HS6ST3: variants seen among roughly 807,000 people sequenced by gnomAD.
The protein encoded by HS6ST3 is heparan-sulfate 6-O-sulfotransferase 3.
A neutral mutation model predicts 36.7 loss-of-function variants in HS6ST3; 12 were observed. The observed-to-expected ratio is 0.33, with a 90% CI of 0.21 to 0.53. The LOEUF (loss-of-function observed/expected upper bound fraction) is 0.53, where lower values mean the gene tolerates loss of function less well. Ranked by LOEUF, HS6ST3 falls within the 20% of genes least tolerant of loss-of-function variation. HS6ST3 has a pLI of 0.95. For synonymous variants in HS6ST3, 240 were observed against 257.5 expected, an observed-to-expected ratio of 0.93 and a Z score of 0.65; for missense variants, 584 against 640.9, an observed-to-expected ratio of 0.91 and a Z score of 0.96.
chr13:96,624,891 G>A (rs1282384808), intron 1 of HS6ST3, among the ~76,000 whole-genome samples: 1 of 152,020 alleles, frequency 6.6e-6, no homozygotes, highest in African/African-American at 2.4e-5. Context: ...TTAAATAGTG[G>A]GTCTGCAGAG....
chr13:96,395,227 A>G lies in HS6ST3; in HGVS notation c.707+303658A>G, dbSNP rs115384062. Among the ~76,000 whole-genome samples the G allele has an allele frequency of 6.7e-3, 1,018 of 152,330 alleles. 8 individuals carry two copies. Among genetic ancestry groups the G allele is most frequent in the African/African-American group, 0.023 (972 of 41,566 alleles). On this transcript the variant is annotated intron_variant, in intron 1 of 1. Coordinates refer to ENST00000376705, the MANE Select transcript of HS6ST3 (RefSeq NM_153456.4). Reference sequence around the variant, plus strand: ...TTGTAAAAATTTTTATAGTACTACTAGAGAATGACAAAGAGGGTATTTATT... The same window carrying G: ...TTGTAAAAATTTTTATAGTACTACTGGAGAATGACAAAGAGGGTATTTATT...
At chr13:96,193,511 T>TA (rs1193655476) in intron 1 of HS6ST3, among the ~76,000 whole-genome samples, 3 of 152,052 alleles carry the variant, frequency 2.0e-5, no homozygotes, top group Admixed American at 1.3e-4. Context: ...AGGCTAGGGA[T>TA]AAAAAAATGC....
intron 1 of HS6ST3, among the ~76,000 whole-genome samples, chr13:96,342,302 A>G (rs1434671834): frequency 6.6e-6 from 1 of 152,116 alleles, no homozygotes; most frequent in Non-Finnish European, 1.5e-5. Flanking sequence ...TTATTTGTCT[A>G]TCATATCTAC....
chr13:96,388,711 G>A (rs2055380778), intron 1 of HS6ST3, among the ~76,000 whole-genome samples: 1 of 152,154 alleles, frequency 6.6e-6, no homozygotes, highest in African/African-American at 2.4e-5. Flanking sequence ...CCAGGTGGAG[G>A]TAATTGAATC....
intron 1 of HS6ST3, among the ~76,000 whole-genome samples, chr13:96,427,068 G>A (rs1257894912): frequency 6.6e-6 from 1 of 152,180 alleles, no homozygotes; most frequent in African/African-American, 2.4e-5. Context: ...CTTCCCAGGT[G>A]ATTCCAATAT....
intron 1 of HS6ST3, among the ~76,000 whole-genome samples, chr13:96,651,007 A>G (rs913630575): frequency 6.6e-6 from 1 of 152,006 alleles, no homozygotes; most frequent in Non-Finnish European, 1.5e-5. Flanking sequence ...TCCAGATCAT[A>G]GTGTTGACTT....
rs528550684 is a variant in HS6ST3, at chr13:96,651,261, C to T, written c.708-181229C>T. On this transcript the variant is annotated intron_variant, in intron 1 of 1. Transcript: ENST00000376705. Reference sequence around the variant, plus strand: ...TCAACATTATATGTTCTTATCTCTACTCCTTTCCTAATATCATCCTCTTTT... The same window carrying T: ...TCAACATTATATGTTCTTATCTCTATTCCTTTCCTAATATCATCCTCTTTT... Among the ~76,000 whole-genome samples, 3 of 152,168 alleles carry T rather than the reference C, an allele frequency of 2.0e-5. No homozygotes were observed. In the South Asian group the frequency reaches 6.2e-4, roughly 32 times the overall value.
intron 1 of HS6ST3, among the ~76,000 whole-genome samples, chr13:96,593,361 G>T (rs1261266156): frequency 1.3e-4 from 19 of 147,702 alleles, no homozygotes; most frequent in African/African-American, 3.3e-4. Context: ...TTTTTTTTTT[G>T]TTTTTCGTAT....
chr13:96,598,027 C>T (rs1462094885), intron 1 of HS6ST3, among the ~76,000 whole-genome samples: 2 of 152,064 alleles, frequency 1.3e-5, no homozygotes, highest in African/African-American at 4.8e-5. Context: ...TTCCACCGGT[C>T]TCTGTGTCTG....
rs79576308 is a variant in HS6ST3 at position 96,367,562 on chromosome 13, T to C, written c.707+275993T>C. On this transcript the variant is annotated intron_variant, in intron 1 of 1. Transcript: ENST00000376705. ...ACCTAATCTCCTGCTTCTCAGTTTT[T>C]ATTGGCTCTTTCTTCTGTTCTTAGG... Among the ~76,000 whole-genome samples, 1,426 of 152,332 alleles carry C rather than the reference T, an allele frequency of 9.4e-3. 15 individuals are homozygous for C. Among genetic ancestry groups the C allele is most frequent in the African/African-American group, 0.033 (1,359 of 41,574 alleles).
At position 96,351,335 on chromosome 13, in the gene HS6ST3, T is replaced by TTTTTTTTTAAA. The variant is rs1203595829; in HGVS notation, c.707+259766_707+259767insTTTTTTTTAAA. 4.8e-3 allele frequency among the ~76,000 whole-genome samples: 708 copies of TTTTTTTTTAAA among 146,330 alleles called. 5 individuals are homozygous for TTTTTTTTTAAA. Among genetic ancestry groups the TTTTTTTTTAAA allele is most frequent in the African/African-American group, 0.017 (661 of 38,548 alleles). ...AGGTGGCAGTCTTTTTTTTTTTTTT[T>TTTTTTTTTAAA]AAAAAAAACAAGGTCTTGCTGGGTT... On this transcript the variant is annotated intron_variant, in intron 1 of 1. Coordinates refer to ENST00000376705, the MANE Select transcript of HS6ST3 (RefSeq NM_153456.4).
At chr13:96,549,592 T>C (rs2056211075) in intron 1 of HS6ST3, among the ~76,000 whole-genome samples, 1 of 152,228 alleles carries the variant, frequency 6.6e-6, no homozygotes, top group African/African-American at 2.4e-5. Context: ...ATCTGTCCTT[T>C]GATTAAATCA....
chr13:96,261,228 G>A (rs745805535), intron 1 of HS6ST3, among the ~76,000 whole-genome samples: 27 of 150,954 alleles, frequency 1.8e-4, no homozygotes, highest in African/African-American at 2.4e-4. Flanking sequence ...TTTAATGGTT[G>A]TAAAGCTAAT....
intron 1 of HS6ST3, among the ~76,000 whole-genome samples, chr13:96,222,098 T>C (rs1412313640): frequency 6.6e-6 from 1 of 152,226 alleles, no homozygotes; most frequent in East Asian, 1.9e-4. Flanking sequence ...AAATCAAAGA[T>C]ATTTTTCCTT....
intron 1 of HS6ST3, among the ~76,000 whole-genome samples, chr13:96,288,339 TTATAA>T (rs1349121803): frequency 6.6e-6 from 1 of 152,202 alleles, no homozygotes; most frequent in Admixed American, 6.5e-5. Context: ...GATAGATTTC[TTATAA>T]TATAGTTTAT....
chr13:96,516,778 C>T (rs1428744556), intron 1 of HS6ST3, among the ~76,000 whole-genome samples: 1 of 151,998 alleles, frequency 6.6e-6, no homozygotes, highest in Non-Finnish European at 1.5e-5. Context: ...TTAGCCTCAG[C>T]TATTGCCACA....
intron 1 of HS6ST3, among the ~76,000 whole-genome samples, chr13:96,135,705 G>T (rs920915034): frequency 3.3e-5 from 5 of 152,180 alleles, no homozygotes; most frequent in African/African-American, 4.8e-5. Flanking sequence ...TGTTAGGGAG[G>T]TGTTGTGCCT....
chr13:96,158,751 C>T (rs1031870622), intron 1 of HS6ST3, among the ~76,000 whole-genome samples: 1 of 151,578 alleles, frequency 6.6e-6, no homozygotes, highest in Non-Finnish European at 1.5e-5. Flanking sequence ...TAGTGAGCCC[C>T]AGGGACAGTG....
At chr13:96,375,887 A>G (rs765782564) in intron 1 of HS6ST3, among the ~76,000 whole-genome samples, 3 of 152,212 alleles carry the variant, frequency 2.0e-5, no homozygotes, top group Admixed American at 1.3e-4. Flanking sequence ...CTCTCTGTGT[A>G]TAAATTTTTA....
Sources: allele counts gnomAD v4.1 joint callset (sites outside exome capture counted in the v4.1 genomes callset), GRCh38; gene constraint gnomAD v4.1.1; transcripts MANE v1.5; gene names NCBI Gene and HGNC (gene_info 2026-07-23, HGNC 2026-07-21).